The following CLSTN2 variants were observed in gnomAD, a reference collection of about 807,000 sequenced individuals.
The protein encoded by CLSTN2 is calsyntenin-2.
CLSTN2 carries 48 observed loss-of-function variants against 101.2 expected under a neutral mutation model. The observed-to-expected ratio is 0.47, with a 90% CI of 0.38 to 0.60. CLSTN2 has a LOEUF of 0.60. Among genes scored for constraint, CLSTN2 ranks in the 20% least tolerant of loss-of-function variants. The pLI, the probability that CLSTN2 is intolerant of heterozygous loss-of-function variation, is 0.00. For synonymous variants in CLSTN2, 481 were observed against 463.6 expected (o/e 1.04, Z -0.48); for missense variants, 1,160 against 1,238.2 (o/e 0.94, Z 0.95).
At chr3:140,339,846 G>C (rs960394837) in intron 2 of CLSTN2, among the ~76,000 whole-genome samples, 4 of 152,182 alleles carry the variant, frequency 2.6e-5, no homozygotes, top group African/African-American at 7.2e-5. Context: ...ATCTCTAGAA[G>C]GTTGACTTAG....
intron 2 of CLSTN2, among the ~76,000 whole-genome samples, chr3:140,207,014 C>A (rs1300121304): frequency 6.6e-6 from 1 of 152,136 alleles, no homozygotes; most frequent in African/African-American, 2.4e-5. Context: ...TGTAGTCCTC[C>A]TTTTGACCCA....
chr3:140,044,662 G>A (rs1169429848), intron 1 of CLSTN2, among the ~76,000 whole-genome samples: 1 of 152,106 alleles, frequency 6.6e-6, no homozygotes, highest in Non-Finnish European at 1.5e-5. Context: ...TATTGGCTGT[G>A]GGTTTGTCAT....
At chr3:139,949,869 A>C (rs2107809874) in intron 1 of CLSTN2, among the ~76,000 whole-genome samples, 1 of 152,306 alleles carries the variant, frequency 6.6e-6, no homozygotes, top group Admixed American at 6.5e-5. Flanking sequence ...TACAAGTTTT[A>C]AGTGGATAAA....
rs75399214 is a variant in CLSTN2, at chr3:140,166,734, C to T, written c.110-9217C>T. ...GTGTAAATGGAGCAGAAATATCACA[C>T]TGGTGTTTCCTCTGCATGAGTGCAA... On this transcript the variant is annotated intron_variant, in intron 1 of 16. Transcript: ENST00000458420. 2.0e-4 allele frequency among the ~76,000 whole-genome samples: 31 copies of T among 152,298 alleles called. No homozygotes were observed. In the East Asian group the frequency reaches 2.5e-3, roughly 12 times the overall value.
chr3:140,468,065 G>T (rs1330272685), intron 8 of CLSTN2, among the ~76,000 whole-genome samples: 1 of 152,146 alleles, frequency 6.6e-6, no homozygotes, highest in Non-Finnish European at 1.5e-5. Flanking sequence ...ATCCCATCCT[G>T]CTGTATGCTA....
chr3:139,946,652 G>T (rs930010524), intron 1 of CLSTN2, among the ~76,000 whole-genome samples: 2 of 152,166 alleles, frequency 1.3e-5, no homozygotes, highest in Non-Finnish European at 2.9e-5. Flanking sequence ...AGAGGCTGCT[G>T]CTCCCTCACC....
chr3:140,124,877 G>A (rs908294598), intron 1 of CLSTN2, among the ~76,000 whole-genome samples: 1 of 152,202 alleles, frequency 6.6e-6, no homozygotes. Flanking sequence ...CAAGGACCAA[G>A]TCTTTGGCCA....
intron 12 of CLSTN2, among the ~76,000 whole-genome samples, chr3:140,561,736 C>T (rs1334235484): frequency 1.3e-5 from 2 of 152,100 alleles, no homozygotes; most frequent in Non-Finnish European, 2.9e-5. Flanking sequence ...TTACCTCTAC[C>T]CAAATGAGAG....
intron 1 of CLSTN2, among the ~76,000 whole-genome samples, chr3:140,125,948 G>A (rs1404918392): frequency 1.3e-5 from 2 of 152,188 alleles, no homozygotes; most frequent in East Asian, 3.9e-4. Flanking sequence ...TGTCATCGGG[G>A]CAGGGGGCTG....
At position 140,435,702 on chromosome 3, in the gene CLSTN2, C is replaced by T. The variant is rs570005260; in HGVS notation, c.788-12817C>T. On this transcript the variant is annotated intron_variant, in intron 5 of 16. Transcript: ENST00000458420. ...TTCCCACCAACAGTGTACAAGGGTT[C>T]CCTTTTCTCCACATCCTCGCTAGCA... Among the ~76,000 whole-genome samples, 14 of 152,298 alleles carry T rather than the reference C, an allele frequency of 9.2e-5. No homozygotes were observed. In the South Asian group the frequency reaches 2.9e-3, roughly 32 times the overall value.
chr3:140,517,806 A>G (rs1934949022), intron 8 of CLSTN2, among the ~76,000 whole-genome samples: 1 of 152,176 alleles, frequency 6.6e-6, no homozygotes, highest in South Asian at 2.1e-4. Flanking sequence ...CTTCTAGCCC[A>G]GAGGTGGTGC....
At chr3:140,212,247 TC>T (rs2010864961) in intron 2 of CLSTN2, among the ~76,000 whole-genome samples, 1 of 152,230 alleles carries the variant, frequency 6.6e-6, no homozygotes, top group South Asian at 2.1e-4. Flanking sequence ...AGATTTACCT[TC>T]TGGATTTGTG....
chr3:139,950,825 A>G (rs1397838868), intron 1 of CLSTN2, among the ~76,000 whole-genome samples: 2 of 152,238 alleles, frequency 1.3e-5, no homozygotes, highest in African/African-American at 2.4e-5. Flanking sequence ...AAAAGGAAGT[A>G]GTGAATTAGA....
chr3:140,471,599 C>A (rs1308478605), intron 8 of CLSTN2, among the ~76,000 whole-genome samples: 1 of 152,180 alleles, frequency 6.6e-6, no homozygotes, highest in Non-Finnish European at 1.5e-5. Context: ...CAGCCCTGCT[C>A]AGTTTATACC....
At chr3:140,468,566 T>A (rs2108022408) in intron 8 of CLSTN2, among the ~76,000 whole-genome samples, 1 of 152,326 alleles carries the variant, frequency 6.6e-6, no homozygotes, top group East Asian at 1.9e-4. Context: ...CAATGCCTGC[T>A]CTGTGCTAGG....
At chr3:140,434,172 C>T (rs924459323) in intron 5 of CLSTN2, among the ~76,000 whole-genome samples, 2 of 152,194 alleles carry the variant, frequency 1.3e-5, no homozygotes, top group African/African-American at 4.8e-5. Flanking sequence ...GTGGGCAGAA[C>T]AGTGCCCCCT....
At chr3:140,347,843 A>G (rs529534346) in intron 2 of CLSTN2, among the ~76,000 whole-genome samples, 56 of 152,362 alleles carry the variant, frequency 3.7e-4, no homozygotes, top group African/African-American at 9.9e-4. Flanking sequence ...ATTGCTTTTA[A>G]TCAAGAAAGG....
chr3:140,384,505 G>T (rs1471523395), intron 2 of CLSTN2, among the ~76,000 whole-genome samples: 1 of 152,168 alleles, frequency 6.6e-6, no homozygotes, highest in African/African-American at 2.4e-5. Context: ...CATATCGAAG[G>T]TGCTTGTTAT....
chr3:140,480,593 C>A (rs535728631), intron 8 of CLSTN2, among the ~76,000 whole-genome samples: 2 of 152,342 alleles, frequency 1.3e-5, no homozygotes, highest in East Asian at 3.9e-4. Context: ...TTCTCCACAT[C>A]CTCTCTAGCA....
Sources: gnomAD v4.1 joint callset for allele counts (sites outside exome capture counted in the v4.1 genomes callset) on GRCh38, gnomAD v4.1.1 for gene constraint, MANE v1.5 for transcripts, NCBI Gene and HGNC (gene_info 2026-07-23, HGNC 2026-07-21) for gene names.